NT5DC1: variants seen among roughly 807,000 people sequenced by gnomAD.
NT5DC1 encodes 5'-nucleotidase domain-containing protein 1.
Under a neutral mutation model 59.4 loss-of-function variants are expected in NT5DC1, and 42 were observed. The observed-to-expected ratio is 0.71, with a 90% CI of 0.55 to 0.92. NT5DC1 has a LOEUF of 0.92. Ranked by LOEUF, NT5DC1 falls within the 40% of genes least tolerant of loss-of-function variation. NT5DC1 has a pLI of 0.00. For missense variants in NT5DC1, 501 were observed against 537.1 expected (o/e 0.93, Z 0.66); for synonymous variants, 172 against 188.1 (o/e 0.91, Z 0.70).
Position 116,246,489 on chromosome 6 carries a change from A to ACACACACT in NT5DC1, c.*2470_*2471insACTCACAC, listed in dbSNP as rs938215889. The ACACACACT allele has an allele frequency of 2.6e-5, 4 of 151,864 alleles. No individual in the cohort carries two copies. The highest frequency in any genetic ancestry group is 9.7e-5 in the African/African-American group (4 of 41,346). 9.4% of individuals were successfully genotyped at this position (151,864 alleles called of 1,614,324 possible). On this transcript the variant is annotated 3_prime_UTR_variant, in exon 12 of 12. Coordinates refer to ENST00000319550, the MANE Select transcript of NT5DC1 (RefSeq NM_152729.3). ...TAAATACACACACACACACACACAC[A>ACACACACT]CACACTTTTAGTGAACTGGTTTGAA...
intron 6 of NT5DC1, among the ~76,000 whole-genome samples, chr6:116,145,711 AAAAT>A (rs1183358591): frequency 6.6e-6 from 1 of 152,222 alleles, no homozygotes; most frequent in Non-Finnish European, 1.5e-5. Context: ...TATAAAATAA[AAAAT>A]AGTTTGTTTC....
chr6:116,123,476 A>G (rs1009154828), intron 6 of NT5DC1, among the ~76,000 whole-genome samples: 11 of 152,246 alleles, frequency 7.2e-5, no homozygotes, highest in African/African-American at 2.7e-4. Flanking sequence ...ACAAACTGAA[A>G]TCGTGATTGG....
chr6:116,117,982 T>C (rs765125588), intron 6 of NT5DC1, 37 bp downstream of exon 6: 6 of 989,576 alleles, frequency 6.1e-6, no homozygotes, highest in Non-Finnish European at 8.2e-6. Flanking sequence ...AATACGTGTT[T>C]GTTAAGCTAT....
intron 6 of NT5DC1, among the ~76,000 whole-genome samples, chr6:116,141,730 T>C (rs377025625): frequency 6.6e-5 from 10 of 151,846 alleles, no homozygotes; most frequent in African/African-American, 2.4e-4. Context: ...TCTTATGTGA[T>C]AATAACTAGT....
At chr6:116,156,393 C>A (rs530415270) in intron 6 of NT5DC1, among the ~76,000 whole-genome samples, 2 of 152,248 alleles carry the variant, frequency 1.3e-5, no homozygotes, top group South Asian at 4.2e-4. Context: ...ACTATGTAGG[C>A]ACTTTGAGGT....
chr6:116,108,353 T>A lies in NT5DC1; in HGVS notation c.186-11T>A. 1 of 1,569,136 alleles carries A rather than the reference T, an allele frequency of 6.4e-7. No individual in the cohort carries two copies. The highest frequency in any genetic ancestry group is 8.8e-7 in the Non-Finnish European group (1 of 1,139,222). On this transcript the variant is annotated splice_polypyrimidine_tract_variant and intron_variant, in intron 2 of 11. Coordinates refer to ENST00000319550, the MANE Select transcript of NT5DC1 (RefSeq NM_152729.3). ...TAGGAATTGATTAATAATCAAACTT[T>A]CCTATTTCAGTTGCAAAGGTTTGGC...
chr6:116,225,294 G>A (rs549001200), intron 8 of NT5DC1, among the ~76,000 whole-genome samples: 1 of 152,280 alleles, frequency 6.6e-6, no homozygotes, highest in East Asian at 1.9e-4. Flanking sequence ...ACAAGTCTAG[G>A]CTCAAGATAT....
chr6:116,181,479 G>C (rs1780871703), intron 6 of NT5DC1, among the ~76,000 whole-genome samples: 1 of 151,934 alleles, frequency 6.6e-6, no homozygotes, highest in Non-Finnish European at 1.5e-5. Flanking sequence ...AAAAACCATA[G>C]GAAACTAGGA....
chr6:116,149,452 C>G (rs1040135337), intron 6 of NT5DC1, among the ~76,000 whole-genome samples: 1 of 152,120 alleles, frequency 6.6e-6, no homozygotes, highest in Non-Finnish European at 1.5e-5. Context: ...CCTGCCAGTA[C>G]TAAGAGAACA....
chr6:116,121,914 C>G, intron 6 of NT5DC1: 1 of 1,613,788 alleles, frequency 6.2e-7, no homozygotes, highest in Non-Finnish European at 8.5e-7. Context: ...CGAGGTCCAG[C>G]AGGGCCTGGT....
chr6:116,139,099 A>C (rs62414125), intron 6 of NT5DC1, among the ~76,000 whole-genome samples: 11,240 of 152,192 alleles, frequency 0.074, 603 homozygotes, highest in Admixed American at 0.17. Flanking sequence ...GATTTATAGC[A>C]CAACTATTAA....
intron 8 of NT5DC1, among the ~76,000 whole-genome samples, chr6:116,224,679 A>G (rs1049498587): frequency 6.6e-6 from 1 of 152,126 alleles, no homozygotes; most frequent in African/African-American, 2.4e-5. Flanking sequence ...CAGAGAAGAG[A>G]CCTGCCATTC....
chr6:116,199,950 A>AGG (rs2114507420), intron 6 of NT5DC1, among the ~76,000 whole-genome samples: 1 of 148,604 alleles, frequency 6.7e-6, no homozygotes, highest in African/African-American at 2.6e-5. Context: ...TTACTCCTTA[A>AGG]GGGTAGCCTG....
In NT5DC1 at chr6:116,236,970, T is replaced by C. The variant is rs553117469; in HGVS notation, c.807T>C (p.Asn269=). ...ATTGTCAAACTGTATTTTCAGAGAA[T>C]GATGAGGAGCAGGAGGCACTGCCAT... ...PSQRPFRTLE[N]DEEQEALPSL... Residue 269 remains asparagine (N), a synonymous_variant, in exon 9 of 12, where the codon AAT becomes AAC. Coordinates refer to ENST00000319550, the MANE Select transcript of NT5DC1 (RefSeq NM_152729.3). The C allele has an allele frequency of 1.3e-6, 2 of 1,584,406 alleles. No individual in the cohort carries two copies. Among genetic ancestry groups the C allele is most frequent in the South Asian group, 1.1e-5 (1 of 90,348 alleles).
At position 116,239,083 on chromosome 6, in the gene NT5DC1, T is replaced by G; in HGVS notation, c.1212T>G (p.Thr404=). The G allele has an allele frequency of 6.2e-7, 1 of 1,612,844 alleles. No individual in the cohort carries two copies. The highest frequency in any genetic ancestry group is 2.2e-5 in the East Asian group (1 of 44,804). ...CATGGTCTTGTAAGAGAATCAGTAC[T>G]TACAGCACTATTGCAATTCCAAGTA... The part of the protein sequence containing the change: ...VYTWSCKRIS[T]YSTIAIPSIE... The change falls in exon 11 of 12, where the codon ACT becomes ACG. Residue 404 remains threonine, a synonymous_variant. Transcript: ENST00000319550.
At chr6:116,178,788 GATTA>G (rs1582855838) in intron 6 of NT5DC1, among the ~76,000 whole-genome samples, 1 of 152,186 alleles carries the variant, frequency 6.6e-6, no homozygotes, top group South Asian at 2.1e-4. Context: ...GGAACTCATG[GATTA>G]ATTGACAGGT....
chr6:116,198,889 G>A (rs551012399), intron 6 of NT5DC1, among the ~76,000 whole-genome samples: 1 of 152,050 alleles, frequency 6.6e-6, no homozygotes, highest in East Asian at 1.9e-4. Context: ...GCCACCAATA[G>A]AAAACTAATT....
intron 2 of NT5DC1, among the ~76,000 whole-genome samples, chr6:116,107,892 G>A (rs558942958): frequency 1.3e-5 from 2 of 152,108 alleles, no homozygotes; most frequent in Non-Finnish European, 2.9e-5. Flanking sequence ...TCAATGATAT[G>A]CCTTGTCCAG....
intron 6 of NT5DC1, among the ~76,000 whole-genome samples, chr6:116,124,653 A>G (rs1013623420): frequency 6.6e-6 from 1 of 152,236 alleles, no homozygotes; most frequent in Non-Finnish European, 1.5e-5. Flanking sequence ...AGCCCTTGAG[A>G]TAGCTGCTCC....
Sources: allele counts gnomAD v4.1 joint callset (sites outside exome capture counted in the v4.1 genomes callset), GRCh38; gene constraint gnomAD v4.1.1; transcripts MANE v1.5; gene names NCBI Gene and HGNC (gene_info 2026-07-23, HGNC 2026-07-21).